The following GALNT9 variants were observed in gnomAD, a reference collection of about 807,000 sequenced individuals.
The protein encoded by GALNT9 is polypeptide N-acetylgalactosaminyltransferase 9, also known as GalNAc transferase 9.
GALNT9 carries 47 observed loss-of-function variants against 63.1 expected under a neutral mutation model. The observed-to-expected ratio is 0.75, with a 90% CI of 0.59 to 0.95. GALNT9 has a LOEUF of 0.95. Among genes scored for constraint, GALNT9 ranks in the 40% least tolerant of loss-of-function variants. The pLI is 0.00. For missense variants in GALNT9, 829 were observed against 874.8 expected, an observed-to-expected ratio of 0.95 and a Z score of 0.66; for synonymous variants, 396 against 365.7, an observed-to-expected ratio of 1.08 and a Z score of -0.94.
At position 132,286,484 on chromosome 12, in the gene GALNT9, C is replaced by A. The variant is rs972870374; in HGVS notation, c.239-54G>T. ...GCAGGCCCAGGACACGCTGCGTCTG[C>A]ACCCAGGAGACGCCCCTCCCGCCCC... is the stretch of plus-strand genomic sequence containing the variant. On this transcript the variant is annotated intron_variant, in intron 1 of 10. Coordinates refer to ENST00000328957, the MANE Select transcript of GALNT9 (RefSeq NM_001122636.2). The surrounding 1 kb of genome is among the most constrained non-coding windows in gnomAD (Gnocchi z 7.4). 4 of 1,493,818 alleles carry A rather than the reference C, an allele frequency of 2.7e-6. No homozygotes were observed. Among genetic ancestry groups the A allele is most frequent in the Non-Finnish European group, 2.7e-6 (3 of 1,121,280 alleles). 92.5% of individuals were successfully genotyped at this position (1,493,818 alleles called of 1,614,324 possible).
intron 1 of GALNT9, among the ~76,000 whole-genome samples, chr12:132,290,642 C>G (rs1880778342): frequency 7.8e-6 from 1 of 127,436 alleles, no homozygotes; most frequent in Non-Finnish European, 1.6e-5. Context: ...ACGTCCACAC[C>G]ACCCACATCC....
At chr12:132,239,326 AGAGAGACAGAGT>A (rs1174851517) in intron 6 of GALNT9, among the ~76,000 whole-genome samples, 5,011 of 30,908 alleles carry the variant, frequency 0.16, 190 homozygotes, top group Middle Eastern at 0.36. Context: ...AGACTGAGAG[AGAGAGACAGAGT>A]CAGAGACAGA....
rs368039369 is a variant in GALNT9 at position 132,199,208 on chromosome 12, G to A, written c.1463C>T (p.Ala488Val). Residue 488 changes from alanine (A) to valine (V), a missense_variant, in exon 9 of 11, where the codon GCG becomes GTG. Coordinates refer to ENST00000328957, the MANE Select transcript of GALNT9 (RefSeq NM_001122636.2). ...CATCCCGTGGCAGGGGTAGAGGATC[G>A]CCCGGTCGCCGTCCTCCGCTCCCTG... ...LDQGAEDGDR[A>V]ILYPCHGMSS... 1.7e-5 allele frequency: 28 copies of A among 1,603,426 alleles called. No individual in the cohort carries two copies. The South Asian group carries it at 1.8e-4, about 10-fold the overall frequency.
intron 5 of GALNT9, among the ~76,000 whole-genome samples, chr12:132,257,445 T>TCGTCCCCAGCCCTCGTCCCCCC (rs1273060285): frequency 3.2e-5 from 1 of 31,136 alleles, no homozygotes; most frequent in South Asian, 8.4e-4. Flanking sequence ...CTCGTCCCCA[T>TCGTCCCCAGCCCTCGTCCCCCC]GCCCTCATCC....
intron 6 of GALNT9, among the ~76,000 whole-genome samples, chr12:132,240,299 GTAGCC>G (rs1261094370): frequency 6.6e-6 from 1 of 152,134 alleles, no homozygotes; most frequent in Non-Finnish European, 1.5e-5. Context: ...GCCCCTCCCT[GTAGCC>G]CCGGCCCGGC....
intron 2 of GALNT9, among the ~76,000 whole-genome samples, chr12:132,285,233 G>A (rs1044724710): frequency 7.2e-5 from 11 of 152,224 alleles, no homozygotes; most frequent in Admixed American, 2.0e-4. Flanking sequence ...GGTGAAACGC[G>A]GCCCCACTGG....
chr12:132,208,118 G>A (rs1254937060), intron 6 of GALNT9, among the ~76,000 whole-genome samples: 1 of 152,238 alleles, frequency 6.6e-6, no homozygotes, highest in Admixed American at 6.5e-5. Context: ...TCCCATCACA[G>A]TCTCAAGGGA....
chr12:132,304,095 C>A lies in GALNT9; in HGVS notation c.239-17665G>T, dbSNP rs868938789. 2.2e-3 allele frequency among the ~76,000 whole-genome samples: 83 copies of A among 38,466 alleles called. 10 individuals are homozygous for A. Among genetic ancestry groups the A allele is most frequent in the African/African-American group, 8.1e-3 (74 of 9,176 alleles). The allele number at this position is 38,466 out of a possible 152,430, so 25.2% of individuals were successfully genotyped here. A position where few individuals can be genotyped will look rare whatever the true frequency, so the allele number is the denominator to read the frequency against. Reference sequence around the variant, plus strand: ...TGGGCACAGCCTCACCGGGGCACACCCTCACCCAGACACAGCCTCACCCGG... The same window carrying A: ...TGGGCACAGCCTCACCGGGGCACACACTCACCCAGACACAGCCTCACCCGG... On this transcript the variant is annotated intron_variant, in intron 1 of 10. Transcript: ENST00000328957.
intron 6 of GALNT9, chr12:132,240,856 C>T (rs2136899808): frequency 2.6e-6 from 1 of 389,012 alleles, no homozygotes; most frequent in Non-Finnish European, 5.2e-6. Context: ...CACCACACCC[C>T]CTTCCCAGGG....
At chr12:132,256,453 C>T (rs1259885653) in intron 5 of GALNT9, among the ~76,000 whole-genome samples, 2 of 151,500 alleles carry the variant, frequency 1.3e-5, no homozygotes, top group African/African-American at 2.4e-5. Flanking sequence ...TATGAGGCTA[C>T]TGTGAGTAAC....
In GALNT9 at chr12:132,225,139, TCA is replaced by T. The variant is rs1230411200; in HGVS notation, c.1078-21451_1078-21450del. ...ATATACATACCACACAACTCACACCTCACACACTGTACACACCCTACACACAT... is the reference window on the plus strand; with the variant it reads ...ATATACATACCACACAACTCACACCTCACACTGTACACACCCTACACACAT... On this transcript the variant is annotated intron_variant, in intron 6 of 10. Coordinates refer to ENST00000328957, the MANE Select transcript of GALNT9 (RefSeq NM_001122636.2). 3.7e-3 allele frequency among the ~76,000 whole-genome samples: 301 copies of T among 80,848 alleles called. 1 individual carries two copies. Among genetic ancestry groups the T allele is most frequent in the African/African-American group, 0.014 (288 of 20,078 alleles). The allele number at this position is 80,848 out of a possible 152,430, so 53.0% of individuals were successfully genotyped here. A position where few individuals can be genotyped will look rare whatever the true frequency, so the allele number is the denominator to read the frequency against.
rs539830613 is a variant in GALNT9, at chr12:132,248,033, A to C, written c.960-6T>G. 6.5e-7 allele frequency: 1 copy of C among 1,547,748 alleles called. No individual in the cohort carries two copies. The highest frequency in any genetic ancestry group is 1.4e-5 in the African/African-American group (1 of 73,152). On this transcript the variant is annotated splice_polypyrimidine_tract_variant and splice_region_variant and intron_variant, in intron 5 of 10. Coordinates refer to ENST00000328957, the MANE Select transcript of GALNT9 (RefSeq NM_001122636.2). ...AGCCGATCATGGCTGGGGTCCTGGG[A>C]GGCAGAGACAGCGGCGTGAGGACCT... is the stretch of plus-strand genomic sequence containing the variant.
chr12:132,204,076 A>G (rs1223830492), intron 6 of GALNT9, among the ~76,000 whole-genome samples: 1 of 149,658 alleles, frequency 6.7e-6, no homozygotes. Context: ...GCACCCGAAC[A>G]CACCAACAAT....
At position 132,233,537 on chromosome 12, in the gene GALNT9, G is replaced by A. The variant is rs879109869; in HGVS notation, c.1077+14373C>T. Among the ~76,000 whole-genome samples, 112 of 24,034 alleles carry A rather than the reference G, an allele frequency of 4.7e-3. 3 individuals are homozygous for A. The highest frequency in any genetic ancestry group is 6.5e-3 in the Non-Finnish European group (91 of 14,098). 15.8% of individuals were successfully genotyped at this position (24,034 alleles called of 152,430 possible). Reference sequence around the variant, plus strand: ...ACACACTCGATGGGGTGACAGAGGAGACAGTGTGGAGCCCCTAGTGCCACA... The same window carrying A: ...ACACACTCGATGGGGTGACAGAGGAAACAGTGTGGAGCCCCTAGTGCCACA... On this transcript the variant is annotated intron_variant, in intron 6 of 10. Transcript: ENST00000328957.
intron 2 of GALNT9, among the ~76,000 whole-genome samples, chr12:132,266,224 C>A (rs782351692): frequency 1.7e-3 from 257 of 152,242 alleles, no homozygotes; most frequent in Non-Finnish European, 2.1e-3. Context: ...ACACGCCTGA[C>A]CTCACCATAT....
rs562949717 is a variant in GALNT9, at chr12:132,314,400, G to A, written c.238+14566C>T. On this transcript the variant is annotated intron_variant, in intron 1 of 10. Transcript: ENST00000328957. ...CCATGTGGGAGGCACTCTGCCAAGC[G>A]CTTCATATGCACCATCTTGTCTAAT... Among the ~76,000 whole-genome samples, 93 of 152,178 alleles carry A rather than the reference G, an allele frequency of 6.1e-4. 1 individual carries two copies. In the South Asian group the frequency reaches 0.017, roughly 28 times the overall value.
At chr12:132,239,629 G>GAGAGACAGAGTCAGAGACAGAGTC in intron 6 of GALNT9, among the ~76,000 whole-genome samples, 1 of 147,792 alleles carries the variant, frequency 6.8e-6, no homozygotes, top group South Asian at 2.2e-4. Flanking sequence ...CTGAGAGACA[G>GAGAGACAGAGTCAGAGACAGAGTC]AGAGACAGAG....
rs555340666 is a variant in GALNT9, at chr12:132,219,556, C to T, written c.1078-15866G>A. Reference sequence around the variant, plus strand: ...TCCTGGCATGAACTCAGGGTGGGGACGAGCTCAATGAGCAGGAACAGACAC... The same window carrying T: ...TCCTGGCATGAACTCAGGGTGGGGATGAGCTCAATGAGCAGGAACAGACAC... On this transcript the variant is annotated intron_variant, in intron 6 of 10. Coordinates refer to ENST00000328957, the MANE Select transcript of GALNT9 (RefSeq NM_001122636.2). Among the ~76,000 whole-genome samples, 13 of 152,250 alleles carry T rather than the reference C, an allele frequency of 8.5e-5. No homozygotes were observed. In the South Asian group the frequency reaches 2.3e-3, roughly 27 times the overall value.
intron 6 of GALNT9, among the ~76,000 whole-genome samples, chr12:132,217,800 A>ATCCG (rs1287050121): frequency 2.1e-5 from 3 of 145,888 alleles, no homozygotes; most frequent in Non-Finnish European, 3.0e-5. Flanking sequence ...CCATCCATCC[A>ATCCG]TCCGTCCATT....
Sources: allele counts gnomAD v4.1 joint callset (sites outside exome capture counted in the v4.1 genomes callset), GRCh38; gene constraint gnomAD v4.1.1; non-coding constraint Gnocchi (gnomAD v3.1); transcripts MANE v1.5; gene names NCBI Gene and HGNC (gene_info 2026-07-23, HGNC 2026-07-21).